TTC17: variants seen among roughly 807,000 people sequenced by gnomAD.
TTC17 encodes the protein tetratricopeptide repeat domain 17, also known as tetratricopeptide repeat protein 17.
Under a neutral mutation model 143.8 loss-of-function variants are expected in TTC17, and 58 were observed. The ratio of observed to expected loss-of-function variants is 0.40; its 90% confidence interval spans 0.33 to 0.50. TTC17 has a LOEUF of 0.50. Ranked by LOEUF, TTC17 falls within the 20% of genes least tolerant of loss-of-function variation. TTC17 has a pLI of 0.49. For synonymous variants in TTC17, 501 were observed against 497.8 expected (o/e 1.01, Z -0.09); for missense variants, 1,273 against 1,392.5 (o/e 0.91, Z 1.37).
intron 18 of TTC17, among the ~76,000 whole-genome samples, chr11:43,444,666 A>C (rs1947499136): frequency 6.6e-6 from 1 of 152,092 alleles, no homozygotes; most frequent in African/African-American, 2.4e-5. Context: ...TCAATATGAA[A>C]CATACAGTAT....
Position 43,398,045 on chromosome 11 carries a change from A to G in TTC17, c.990A>G (p.Gln330=), listed in dbSNP as rs1470296545. The G allele has an allele frequency of 1.2e-6, 2 of 1,613,960 alleles. No homozygotes were observed. Among genetic ancestry groups the G allele is most frequent in the Non-Finnish European group, 1.7e-6 (2 of 1,180,004 alleles). The stretch of plus-strand genomic sequence containing the variant: ...TGCAGGCCAGACCTGGGTTTGAGCA[A>G]GCTATAAAGAGGAAGCATGCTGTCC... ...HALQARPGFE[Q]AIKRKHAVLC... is the part of the protein sequence containing the mutation. The change falls in exon 8 of 24, where the codon CAA becomes CAG. Residue 330 remains glutamine (Q), a synonymous_variant. Coordinates refer to ENST00000039989, the MANE Select transcript of TTC17 (RefSeq NM_018259.6).
intron 21 of TTC17, among the ~76,000 whole-genome samples, chr11:43,469,336 A>G (rs981042487): frequency 3.3e-5 from 5 of 152,178 alleles, no homozygotes; most frequent in African/African-American, 1.2e-4. Flanking sequence ...TTACATATAT[A>G]TACATGACCC....
At position 43,493,972 on chromosome 11, in the gene TTC17, T is replaced by G; in HGVS notation, c.*68T>G. 6.7e-7 allele frequency: 1 copy of G among 1,499,632 alleles called. No individual in the cohort carries two copies. Among genetic ancestry groups the G allele is most frequent in the Non-Finnish European group, 8.9e-7 (1 of 1,121,422 alleles). 92.9% of individuals were successfully genotyped at this position (1,499,632 alleles called of 1,614,324 possible). Reference sequence around the variant, plus strand: ...AAAAAAGAATAAGAAAAGAAACCAATCATTGTCAGTATCTACTATTAATGA... The same window carrying G: ...AAAAAAGAATAAGAAAAGAAACCAAGCATTGTCAGTATCTACTATTAATGA... On this transcript the variant is annotated 3_prime_UTR_variant, in exon 24 of 24. Coordinates refer to ENST00000039989, the MANE Select transcript of TTC17 (RefSeq NM_018259.6).
rs1948515222 is a variant in TTC17, at chr11:43,493,921, CTCTT to C, written c.*21_*24del. 1 of 1,559,720 alleles carries C rather than the reference CTCTT, an allele frequency of 6.4e-7. No homozygotes were observed. The highest frequency in any genetic ancestry group is 8.7e-7 in the Non-Finnish European group (1 of 1,151,462). Reference sequence around the variant, plus strand: ...TCTCCTTAGTGCACTTCTTCCTTCTCTCTTTCTCTTTACTCATGCTCTAAAAAAA... The same window carrying C: ...TCTCCTTAGTGCACTTCTTCCTTCTCTCTCTTTACTCATGCTCTAAAAAAA... On this transcript the variant is annotated 3_prime_UTR_variant, in exon 24 of 24. Coordinates refer to ENST00000039989, the MANE Select transcript of TTC17 (RefSeq NM_018259.6).
At chr11:43,433,814 C>T (rs1947216027) in intron 16 of TTC17, among the ~76,000 whole-genome samples, 1 of 152,112 alleles carries the variant, frequency 6.6e-6, no homozygotes, top group Non-Finnish European at 1.5e-5. Flanking sequence ...TAATGTTTTA[C>T]ACAACATGTA....
chr11:43,411,422 T>TC (rs1176972982), intron 15 of TTC17, among the ~76,000 whole-genome samples: 1 of 150,656 alleles, frequency 6.6e-6, no homozygotes, highest in Admixed American at 6.6e-5. Context: ...AATGGTGCAC[T>TC]CCCCCCGCCC....
At position 43,358,998 on chromosome 11, in the gene TTC17, C is replaced by G; in HGVS notation, c.44C>G (p.Pro15Arg). The change falls in exon 1 of 24, where the codon CCT becomes CGT. Residue 15 changes from proline (P) to arginine (R), a missense_variant. Physicochemically the swap from Pro to Arg is moderately radical, Grantham distance 103 (BLOSUM62 -2). Coordinates refer to ENST00000039989, the MANE Select transcript of TTC17 (RefSeq NM_018259.6). ...GTTCGTGGCCGGTACGAGCTGCCGCCTTGCTCCGGCCCAGGCTGGCTCCTC... is the reference window on the plus strand; with the variant it reads ...GTTCGTGGCCGGTACGAGCTGCCGCGTTGCTCCGGCCCAGGCTGGCTCCTC... ...VGVRGRYELP[P>R]CSGPGWLLSL... The G allele has an allele frequency of 6.3e-7, 1 of 1,585,692 alleles. No homozygotes were observed. The highest frequency in any genetic ancestry group is 8.6e-7 in the Non-Finnish European group (1 of 1,166,614).
In TTC17 at chr11:43,396,762, G is replaced by A. The variant is rs1455787944; in HGVS notation, c.717G>A (p.Lys239=). 4 of 1,610,296 alleles carry A rather than the reference G, an allele frequency of 2.5e-6. No homozygotes were observed. The highest frequency in any genetic ancestry group is 3.4e-6 in the Non-Finnish European group (4 of 1,177,166). Residue 239 remains lysine (K), a synonymous_variant, in exon 6 of 24, where the codon AAG becomes AAA. Transcript: ENST00000039989. The stretch of plus-strand genomic sequence containing the variant: ...TGGCTTCATTTTACTGGAGAATTAA[G>A]AATGAGCCATATCAGGTAGTAGAAT... ...YNMASFYWRI[K]NEPYQVVECA...
intron 1 of TTC17, among the ~76,000 whole-genome samples, chr11:43,360,656 G>C (rs1856064701): frequency 1.3e-5 from 2 of 151,638 alleles, no homozygotes; most frequent in South Asian, 2.1e-4. Context: ...AGTGAAAGCT[G>C]GTAGAAATGT....
At position 43,405,663 on chromosome 11, in the gene TTC17, T is replaced by G. The variant is rs1397839694; in HGVS notation, c.1595+34T>G. 4.3e-6 allele frequency: 7 copies of G among 1,611,788 alleles called. No homozygotes were observed. The African/African-American group carries it at 8.0e-5, about 18-fold the overall frequency. ...TGATGGATTTGGCAAAGCACCTGAT[T>G]CTGCATGATTGTCATCTAGCGGTTC... On this transcript the variant is annotated intron_variant, in intron 12 of 23. Transcript: ENST00000039989.
At chr11:43,374,636 C>A (rs562525186) in intron 1 of TTC17, among the ~76,000 whole-genome samples, 2 of 151,788 alleles carry the variant, frequency 1.3e-5, no homozygotes, top group South Asian at 4.2e-4. Context: ...GACATACATG[C>A]AGCCAACAAA....
chr11:43,383,381 T>C (rs1263565361), intron 2 of TTC17, among the ~76,000 whole-genome samples: 1 of 152,232 alleles, frequency 6.6e-6, no homozygotes, highest in Admixed American at 6.5e-5. Context: ...GATGAAGTCT[T>C]GCTCTTGTCC....
intron 16 of TTC17, among the ~76,000 whole-genome samples, chr11:43,425,332 ATT>A (rs939414212): frequency 1.3e-5 from 2 of 151,558 alleles, no homozygotes; most frequent in African/African-American, 4.9e-5. Context: ...GAAAAAAAAA[ATT>A]TTTTTTTAAT....
chr11:43,449,919 C>A, intron 19 of TTC17, 163 bp from the exon 20 acceptor site: 1 of 747,922 alleles, frequency 1.3e-6, no homozygotes, highest in Non-Finnish European at 2.1e-6. Flanking sequence ...AAGAAGAAAT[C>A]CTAGAAGAAA....
chr11:43,437,933 C>G (rs1947328251), intron 16 of TTC17, among the ~76,000 whole-genome samples: 2 of 152,228 alleles, frequency 1.3e-5, no homozygotes, highest in African/African-American at 4.8e-5. Flanking sequence ...GCAACAAATA[C>G]TTATGATTAT....
chr11:43,376,970 G>T (rs1474191953), intron 1 of TTC17, among the ~76,000 whole-genome samples: 1 of 152,236 alleles, frequency 6.6e-6, no homozygotes, highest in Middle Eastern at 3.4e-3. Flanking sequence ...GTAAGTATTT[G>T]TGTATCTAAA....
intron 2 of TTC17, among the ~76,000 whole-genome samples, chr11:43,381,206 T>A (rs1183166528): frequency 6.6e-6 from 1 of 152,226 alleles, no homozygotes; most frequent in East Asian, 1.9e-4. Context: ...TTTATACTTA[T>A]ACTATGAAGC....
In TTC17 at chr11:43,359,122, C is replaced by T. The variant is rs955816201; in HGVS notation, c.159+9C>T. ...GGAAAATCCAGCAGCAGGTAGCGGC[C>T]GGGGCGTCCCTCTTCTCCCGTGCCC... On this transcript the variant is annotated intron_variant, in intron 1 of 23. Transcript: ENST00000039989. The T allele has an allele frequency of 1.9e-6, 3 of 1,576,256 alleles. No individual in the cohort carries two copies. Among genetic ancestry groups the T allele is most frequent in the Non-Finnish European group, 2.6e-6 (3 of 1,163,622 alleles).
intron 13 of TTC17, 64 bp downstream of exon 13, chr11:43,406,015 A>G: frequency 2.6e-6 from 4 of 1,525,764 alleles, no homozygotes; most frequent in Non-Finnish European, 3.5e-6. Flanking sequence ...AGCCTCTTAA[A>G]TGGAACAAAA....
Sources: allele counts gnomAD v4.1 joint callset (sites outside exome capture counted in the v4.1 genomes callset), GRCh38; gene constraint gnomAD v4.1.1; transcripts MANE v1.5; gene names NCBI Gene and HGNC (gene_info 2026-07-23, HGNC 2026-07-21).